The following SRGAP2B variants were observed in gnomAD, a reference collection of about 807,000 sequenced individuals.
The protein encoded by SRGAP2B is SLIT-ROBO Rho GTPase-activating protein 2B.
SRGAP2B carries 9 observed loss-of-function variants against 22.2 expected under a neutral mutation model. The ratio of observed to expected loss-of-function variants is 0.41; its 90% CI spans 0.24 to 0.71. SRGAP2B has a LOEUF of 0.71. SRGAP2B is among the 30% of genes least tolerant of loss of function. The pLI, the probability that SRGAP2B is intolerant of heterozygous loss-of-function variation, is 0.35. For missense variants in SRGAP2B, 114 were observed against 235.8 expected (o/e 0.48, Z 3.38); for synonymous variants, 36 against 87.4 (o/e 0.41, Z 3.28).
chr1:145,011,397 T>G (rs1672041665), intron 2 of SRGAP2B, among the ~76,000 whole-genome samples: 1 of 145,636 alleles, frequency 6.9e-6, no homozygotes, highest in South Asian at 2.2e-4. Context: ...CCATTCTATG[T>G]CTGGTGATTC....
At chr1:144,994,537 G>T (rs1558811980) in intron 3 of SRGAP2B, among the ~76,000 whole-genome samples, 2 of 110,942 alleles carry the variant, frequency 1.8e-5, no homozygotes, top group Non-Finnish European at 3.5e-5. Context: ...ATTTACTAGG[G>T]GTGTGTGAGT....
intron 2 of SRGAP2B, among the ~76,000 whole-genome samples, chr1:145,061,680 C>T (rs1302782078): frequency 2.0e-5 from 3 of 149,514 alleles, no homozygotes; most frequent in East Asian, 2.0e-4. Context: ...CTTCGCCTCC[C>T]GGGTTCAAGA....
intron 4 of SRGAP2B, among the ~76,000 whole-genome samples, chr1:144,931,387 T>C (rs1254159579): frequency 2.7e-5 from 4 of 150,432 alleles, no homozygotes; most frequent in Non-Finnish European, 5.9e-5. Context: ...TACAATGCCT[T>C]GCATATAGTA....
intron 4 of SRGAP2B, among the ~76,000 whole-genome samples, chr1:144,931,586 G>A (rs587757113): frequency 6.6e-6 from 1 of 151,014 alleles, no homozygotes; most frequent in East Asian, 1.9e-4. Flanking sequence ...AAAATAAGCT[G>A]CTAGAATATT....
In SRGAP2B at chr1:145,075,917, G is replaced by A. The variant is rs4292976; in HGVS notation, c.67+16918C>T. On this transcript the variant is annotated intron_variant, in intron 2 of 9. Transcript: ENST00000612199. Reference sequence around the variant, plus strand: ...AGCCTGGCCAACACAGTGAAACCCCGTCTCTACTGAAAATACAAAAATTGG... The same window carrying A: ...AGCCTGGCCAACACAGTGAAACCCCATCTCTACTGAAAATACAAAAATTGG... Among the ~76,000 whole-genome samples the A allele has an allele frequency of 3.4e-4, 51 of 149,562 alleles. 1 individual carries two copies. Among genetic ancestry groups the A allele is most frequent in the South Asian group, 1.7e-3 (8 of 4,742 alleles).
At chr1:144,912,009 G>A (rs1255251142) in intron 5 of SRGAP2B, among the ~76,000 whole-genome samples, 1 of 139,856 alleles carries the variant, frequency 7.2e-6, no homozygotes, top group Non-Finnish European at 1.5e-5. Flanking sequence ...GGAGTGCAGT[G>A]GCACGATCTC....
intron 2 of SRGAP2B, among the ~76,000 whole-genome samples, chr1:144,997,272 CAAA>C (rs11411896): frequency 6.7e-6 from 1 of 149,750 alleles, no homozygotes; most frequent in Non-Finnish European, 1.5e-5. Context: ...ACTAAAAATA[CAAA>C]AAAAAATTAG....
At chr1:145,006,041 T>G (rs1671566008) in intron 2 of SRGAP2B, among the ~76,000 whole-genome samples, 1 of 150,834 alleles carries the variant, frequency 6.6e-6, no homozygotes, top group Non-Finnish European at 1.5e-5. Flanking sequence ...TGGCTGTTCC[T>G]GGGCCTTCAT....
rs1475777346 is a variant in SRGAP2B at position 145,009,381 on chromosome 1, G to A, written c.68-14181C>T. 2.7e-5 allele frequency among the ~76,000 whole-genome samples: 4 copies of A among 149,438 alleles called. No homozygotes were observed. In the East Asian group the frequency reaches 5.9e-4, roughly 22 times the overall value. On this transcript the variant is annotated intron_variant, in intron 2 of 9. Transcript: ENST00000612199. ...AGGCGGGCGGATCACGAGGTCAGGA[G>A]ATCGAGACCATCCCGGCTAAAACGG...
At chr1:144,928,329 T>C (rs1664895156) in intron 4 of SRGAP2B, among the ~76,000 whole-genome samples, 1 of 145,500 alleles carries the variant, frequency 6.9e-6, no homozygotes, top group Admixed American at 6.9e-5. Flanking sequence ...GTTTAAATTG[T>C]ATAGGTATGC....
At chr1:145,002,320 G>A (rs587602458) in intron 2 of SRGAP2B, among the ~76,000 whole-genome samples, 1 of 54,284 alleles carries the variant, frequency 1.8e-5, no homozygotes, top group Admixed American at 2.2e-4. Flanking sequence ...TGAGAGATGG[G>A]GAGAAGGAAA....
At chr1:144,953,836 G>A (rs1187763517) in intron 4 of SRGAP2B, among the ~76,000 whole-genome samples, 1 of 150,732 alleles carries the variant, frequency 6.6e-6, no homozygotes, top group Admixed American at 6.6e-5. Context: ...TCTTATAAAA[G>A]TTGTTTTCTC....
chr1:144,984,310 A>T (rs1553615498), intron 3 of SRGAP2B, among the ~76,000 whole-genome samples: 1 of 146,262 alleles, frequency 6.8e-6, no homozygotes, highest in Non-Finnish European at 1.5e-5. Flanking sequence ...ACAAGAGCGA[A>T]ACTCCATCTA....
At chr1:144,939,378 C>A (rs1453425829) in intron 4 of SRGAP2B, among the ~76,000 whole-genome samples, 7 of 150,580 alleles carry the variant, frequency 4.6e-5, no homozygotes, top group African/African-American at 1.7e-4. Context: ...ATTCTTTCCC[C>A]TCTATGAAGC....
intron 2 of SRGAP2B, among the ~76,000 whole-genome samples, chr1:145,017,385 A>G (rs1244773384): frequency 6.9e-6 from 1 of 145,148 alleles, no homozygotes; most frequent in African/African-American, 2.6e-5. Context: ...TTTTAGAGGA[A>G]AAGACACAAA....
At chr1:144,891,952 T>TTA (rs2101654590) in exon 10 of SRGAP2B, 1 of 384,082 alleles carries the variant, frequency 2.6e-6, no homozygotes, top group African/African-American at 3.5e-5. Context: ...GAAAATCTTC[T>TTA]TAGTTGTATA....
chr1:145,044,650 TAAAAAAAAAAAAAAAA>T (rs1184404731), intron 2 of SRGAP2B, among the ~76,000 whole-genome samples: 34 of 30,642 alleles, frequency 1.1e-3, no homozygotes, highest in African/African-American at 3.7e-3. Context: ...AACCCCCTCC[TAAAAAAAAAAAAAAAA>T]AAAAAAAAAA....
At chr1:144,979,870 A>T (rs1483176729) in intron 3 of SRGAP2B, among the ~76,000 whole-genome samples, 1 of 151,552 alleles carries the variant, frequency 6.6e-6, no homozygotes, top group African/African-American at 2.4e-5. Context: ...CCATGAGCCA[A>T]TCAAACCTTT....
chr1:144,975,904 C>T (rs1260284113), intron 3 of SRGAP2B, among the ~76,000 whole-genome samples: 5 of 113,952 alleles, frequency 4.4e-5, no homozygotes, highest in African/African-American at 1.5e-4. Context: ...TATGGAGTCT[C>T]GGTCTGTCAC....
Sources: gnomAD v4.1 joint callset for allele counts (sites outside exome capture counted in the v4.1 genomes callset) on GRCh38, gnomAD v4.1.1 for gene constraint, MANE v1.5 for transcripts, NCBI Gene and HGNC (gene_info 2026-07-23, HGNC 2026-07-21) for gene names.